Variants in THSD4 observed in about 807,000 individuals in gnomAD.
THSD4 encodes thrombospondin type 1 domain containing 4.
In THSD4, 69 loss-of-function variants were observed where a neutral mutation model predicts 119.0. That is an observed-to-expected ratio of 0.58 (90% CI 0.48 to 0.71). The LOEUF (loss-of-function observed/expected upper bound fraction) is 0.71, where lower values mean the gene tolerates loss of function less well. Ranked by LOEUF, THSD4 falls within the 30% of genes least tolerant of loss-of-function variation. The probability of loss-of-function intolerance (pLI) is 0.00; values close to 1 mark genes in which losing one functional copy is unlikely to be tolerated. For missense variants in THSD4, 1,393 were observed against 1,391.1 expected (o/e 1.00, Z -0.02); for synonymous variants, 524 against 540.4 (o/e 0.97, Z 0.42).
intron 7 of THSD4, among the ~76,000 whole-genome samples, chr15:71,557,988 G>A (rs768499226): frequency 1.1e-4 from 17 of 151,906 alleles, no homozygotes; most frequent in African/African-American, 1.7e-4. Context: ...CTCTTTCCGC[G>A]GGTTTATTTA....
chr15:71,144,883 T>C (rs775948781), intron 2 of THSD4, among the ~76,000 whole-genome samples: 7 of 152,224 alleles, frequency 4.6e-5, no homozygotes, highest in Non-Finnish European at 1.0e-4. Context: ...TGAAAGTCCA[T>C]GTGGACCAAA....
chr15:71,439,500 G>A (rs1396508079), intron 7 of THSD4, among the ~76,000 whole-genome samples: 1 of 152,104 alleles, frequency 6.6e-6, no homozygotes, highest in Non-Finnish European at 1.5e-5. Flanking sequence ...ATTTCACCCA[G>A]CCATCCTATT....
intron 10 of THSD4, among the ~76,000 whole-genome samples, chr15:71,736,525 G>T (rs1326233753): frequency 7.0e-6 from 1 of 143,770 alleles, no homozygotes; most frequent in Non-Finnish European, 1.5e-5. Context: ...CTGTGTCTCT[G>T]TCTCTCTTGC....
intron 6 of THSD4, among the ~76,000 whole-genome samples, chr15:71,280,198 C>T (rs957204686): frequency 5.9e-5 from 9 of 152,100 alleles, no homozygotes; most frequent in Admixed American, 3.9e-4. Flanking sequence ...GAAACATCGG[C>T]GAGTGTCCTT....
At chr15:71,532,283 A>AGACAGAGAGAGAGT (rs1379506089) in intron 7 of THSD4, among the ~76,000 whole-genome samples, 4 of 101,574 alleles carry the variant, frequency 3.9e-5, no homozygotes, top group African/African-American at 6.9e-5. Flanking sequence ...AGAGAGAGAG[A>AGACAGAGAGAGAGT]GTGTGTGTGT....
chr15:71,490,453 G>A (rs1172664627), intron 7 of THSD4, among the ~76,000 whole-genome samples: 11 of 151,802 alleles, frequency 7.2e-5, no homozygotes, highest in African/African-American at 9.7e-5. Flanking sequence ...CCACCTACTC[G>A]GGAGGCTGAG....
chr15:71,709,988 C>T (rs2052476171), intron 8 of THSD4, among the ~76,000 whole-genome samples: 1 of 152,162 alleles, frequency 6.6e-6, no homozygotes, highest in African/African-American at 2.4e-5. Context: ...TGGGGAATCC[C>T]CTGCCTCTGA....
chr15:71,487,669 A>G (rs1595817191), intron 7 of THSD4, among the ~76,000 whole-genome samples: 1 of 152,240 alleles, frequency 6.6e-6, no homozygotes. Flanking sequence ...TATATAATTC[A>G]AGAATGTTGT....
intron 7 of THSD4, among the ~76,000 whole-genome samples, chr15:71,545,977 T>C (rs1483223433): frequency 2.6e-5 from 4 of 152,206 alleles, no homozygotes; most frequent in Non-Finnish European, 4.4e-5. Context: ...TTTATTAATT[T>C]ACTTTCTGGG....
intron 7 of THSD4, among the ~76,000 whole-genome samples, chr15:71,647,111 G>A (rs2140973564): frequency 6.6e-6 from 1 of 152,298 alleles, no homozygotes; most frequent in Non-Finnish European, 1.5e-5. Flanking sequence ...AGAAGGGACT[G>A]GTGAAAATTA....
At chr15:71,209,872 T>C (rs2043874805) in intron 3 of THSD4, among the ~76,000 whole-genome samples, 1 of 152,188 alleles carries the variant, frequency 6.6e-6, no homozygotes, top group African/African-American at 2.4e-5. Context: ...CTGATGATTT[T>C]ATAAAGGGGA....
rs1261744591 is a variant in THSD4, at chr15:71,777,441, C to T, written c.*67C>T. 1.3e-6 allele frequency: 2 copies of T among 1,540,672 alleles called. No homozygotes were observed. Among genetic ancestry groups the T allele is most frequent in the East Asian group, 2.4e-5 (1 of 41,654 alleles). On this transcript the variant is annotated 3_prime_UTR_variant, in exon 18 of 18. Transcript: ENST00000261862. ...CCGGGGGCTTCAGCAGTGCGCCTGG[C>T]TGGCTGCTGCTCCACCACGGGCCCC...
Position 71,424,521 on chromosome 15 carries a change from T to C in THSD4, c.1152+12698T>C, listed in dbSNP as rs549358659. Among the ~76,000 whole-genome samples, 22 of 152,242 alleles carry C rather than the reference T, an allele frequency of 1.4e-4. No individual in the cohort carries two copies. The East Asian group carries it at 4.3e-3, about 29-fold the overall frequency. The stretch of plus-strand genomic sequence containing the variant: ...TGTCATCTCCAAAAACGAGAGGATG[T>C]ATTGGAAGCCTGCAGAGATTCTCCC... On this transcript the variant is annotated intron_variant, in intron 7 of 17. Coordinates refer to ENST00000261862, the MANE Select transcript of THSD4 (RefSeq NM_024817.3).
chr15:71,511,036 A>G (rs546576346), intron 7 of THSD4, among the ~76,000 whole-genome samples: 155 of 125,060 alleles, frequency 1.2e-3, no homozygotes, highest in Non-Finnish European at 2.2e-3. Flanking sequence ...GTGATGTGAT[A>G]AAGAGATGTT....
Position 71,417,352 on chromosome 15 carries a change from A to G in THSD4, c.1152+5529A>G, listed in dbSNP as rs1193698461. On this transcript the variant is annotated intron_variant, in intron 7 of 17. Transcript: ENST00000261862. The stretch of plus-strand genomic sequence containing the variant: ...AGTTCCCCCAATGTTTTCTTGTAGT[A>G]GTTTCATAGTTTGAGGTCTTAGATT... Among the ~76,000 whole-genome samples, 3 of 108,026 alleles carry G rather than the reference A, an allele frequency of 2.8e-5. 1 individual carries two copies. Among genetic ancestry groups the G allele is most frequent in the East Asian group, 6.2e-4 (2 of 3,234 alleles). The allele number at this position is 108,026 out of a possible 152,430, so 70.9% of individuals were successfully genotyped here.
At chr15:71,388,762 GATA>G (rs2046328362) in intron 6 of THSD4, among the ~76,000 whole-genome samples, 1 of 151,626 alleles carries the variant, frequency 6.6e-6, no homozygotes, top group Admixed American at 6.6e-5. Flanking sequence ...AAAAAATTGT[GATA>G]ATATGATAAA....
At chr15:71,445,937 C>T (rs1304476790) in intron 7 of THSD4, among the ~76,000 whole-genome samples, 1 of 152,208 alleles carries the variant, frequency 6.6e-6, no homozygotes, top group Non-Finnish European at 1.5e-5. Context: ...ATGTTTTACA[C>T]CATTTAGCAA....
chr15:71,734,826 TAAAAAA>T (rs779818860), intron 10 of THSD4, among the ~76,000 whole-genome samples: 1 of 138,696 alleles, frequency 7.2e-6, no homozygotes, highest in Non-Finnish European at 1.6e-5. Context: ...AAAAGCCTAT[TAAAAAA>T]AAAAAAAGTC....
intron 11 of THSD4, among the ~76,000 whole-genome samples, chr15:71,743,202 G>A (rs568854000): frequency 8.5e-5 from 13 of 152,296 alleles, no homozygotes; most frequent in Admixed American, 4.6e-4. Flanking sequence ...GTGGCCAGGT[G>A]CTGGACAACC....
Sources: gnomAD v4.1 joint callset for allele counts (sites outside exome capture counted in the v4.1 genomes callset) on GRCh38, gnomAD v4.1.1 for gene constraint, MANE v1.5 for transcripts, NCBI Gene and HGNC (gene_info 2026-07-23, HGNC 2026-07-21) for gene names.